Variants in CCPG1 observed in about 807,000 individuals in gnomAD.
The protein encoded by CCPG1 is cell cycle progression protein 1.
In CCPG1, 46 loss-of-function variants were observed where a neutral mutation model predicts 81.3. That is an observed-to-expected ratio of 0.57 (90% confidence interval 0.45 to 0.72). CCPG1 has a LOEUF of 0.72. Ranked by LOEUF, CCPG1 falls within the 30% of genes least tolerant of loss-of-function variation. CCPG1 has a pLI of 0.00. For synonymous variants in CCPG1, 330 were observed against 305.2 expected, an observed-to-expected ratio of 1.08 and a Z score of -0.85; for missense variants, 902 against 937.6, an observed-to-expected ratio of 0.96 and a Z score of 0.50.
chr15:55,355,518 A>T lies in CCPG1; in HGVS notation c.*702T>A, dbSNP rs1398235263. 1.8e-6 allele frequency: 2 copies of T among 1,104,490 alleles called. No individual in the cohort carries two copies. Among genetic ancestry groups the T allele is most frequent in the Non-Finnish European group, 2.6e-6 (2 of 770,138 alleles). 68.4% of individuals were successfully genotyped at this position (1,104,490 alleles called of 1,614,324 possible). ...GGTAAACACTGGGTAAGATTCATGG[A>T]ACTTAGAAAAAAGCTGTATGAACTG... On this transcript the variant is annotated 3_prime_UTR_variant, in exon 9 of 9. Transcript: ENST00000442196.
intron 8 of CCPG1, 85 bp downstream of exon 8, chr15:55,359,454 C>A (rs1320984731): frequency 4.0e-6 from 6 of 1,503,358 alleles, no homozygotes; most frequent in Non-Finnish European, 5.3e-6. Context: ...GGTAACCTTA[C>A]AAGAAACTCA....
chr15:55,393,344 G>C (rs1366672089), intron 1 of CCPG1, among the ~76,000 whole-genome samples: 1 of 152,114 alleles, frequency 6.6e-6, no homozygotes, highest in Non-Finnish European at 1.5e-5. Context: ...GGAAGCCGAG[G>C]CAGGAGGATC....
intron 1 of CCPG1, among the ~76,000 whole-genome samples, chr15:55,395,784 C>A (rs1432803320): frequency 6.6e-6 from 1 of 152,090 alleles, no homozygotes; most frequent in Non-Finnish European, 1.5e-5. Flanking sequence ...TGAATGAATG[C>A]TAAATACATA....
chr15:55,371,730 T>C (rs2056453535), intron 6 of CCPG1, 63 bp downstream of exon 6: 2 of 1,482,076 alleles, frequency 1.3e-6, no homozygotes, highest in Non-Finnish European at 9.2e-7. Flanking sequence ...CCAAGAGTCC[T>C]CACTCTTAAG....
chr15:55,396,023 G>A (rs926623990), intron 1 of CCPG1, among the ~76,000 whole-genome samples: 1 of 152,074 alleles, frequency 6.6e-6, no homozygotes, highest in South Asian at 2.1e-4. Context: ...GCATGCTGGC[G>A]TGCGCCTGTA....
chr15:55,362,718 C>A (rs1309359731), intron 7 of CCPG1, among the ~76,000 whole-genome samples: 1 of 152,186 alleles, frequency 6.6e-6, no homozygotes, highest in Non-Finnish European at 1.5e-5. Context: ...CTGATCCACA[C>A]TTAACAGCCA....
At position 55,392,552 on chromosome 15, in the gene CCPG1, G is replaced by A. The variant is rs545678212; in HGVS notation, c.-9-3119C>T. ...TTTTTAATTTTTGAGACAGGATTTC[G>A]CTTTGTCACCCAGGCTGGAGGGCAG... On this transcript the variant is annotated intron_variant, in intron 1 of 8. Coordinates refer to ENST00000442196, the MANE Select transcript of CCPG1 (RefSeq NM_001204450.2). Among the ~76,000 whole-genome samples, 31 of 150,440 alleles carry A rather than the reference G, an allele frequency of 2.1e-4. No homozygotes were observed. In the South Asian group the frequency reaches 5.2e-3, roughly 25 times the overall value.
intron 1 of CCPG1, among the ~76,000 whole-genome samples, chr15:55,390,027 G>A (rs997062536): frequency 1.3e-5 from 2 of 152,198 alleles, no homozygotes; most frequent in African/African-American, 4.8e-5. Flanking sequence ...GGGTTCAAGT[G>A]ATTCTCCTGC....
At chr15:55,377,175 G>T (rs1328969339) in intron 4 of CCPG1, 25 bp from the exon 5 acceptor site, 8 of 1,529,852 alleles carry the variant, frequency 5.2e-6, no homozygotes, top group Non-Finnish European at 7.2e-6. Flanking sequence ...TTTTAGAGAT[G>T]GTAAGTTCAA....
At chr15:55,361,319 G>C (rs552795835) in intron 7 of CCPG1, among the ~76,000 whole-genome samples, 6 of 151,688 alleles carry the variant, frequency 4.0e-5, no homozygotes, top group Non-Finnish European at 1.5e-5. Context: ...GAACCACCGC[G>C]CCTGGCTGGA....
intron 1 of CCPG1, chr15:55,407,908 AG>A (rs569414706): frequency 2.9e-4 from 45 of 152,944 alleles, no homozygotes; most frequent in African/African-American, 1.0e-3. Flanking sequence ...TGAAGGAAGA[AG>A]GGTGGCCCAG....
intron 5 of CCPG1, among the ~76,000 whole-genome samples, chr15:55,376,103 C>G (rs2056559428): frequency 6.6e-6 from 1 of 152,158 alleles, no homozygotes; most frequent in Admixed American, 6.5e-5. Context: ...AAAAAATTAT[C>G]TAAAATAGAT....
At chr15:55,387,782 G>A (rs1441108452) in intron 2 of CCPG1, among the ~76,000 whole-genome samples, 1 of 149,098 alleles carries the variant, frequency 6.7e-6, no homozygotes, top group African/African-American at 2.4e-5. Flanking sequence ...CGACCTCAGT[G>A]ATCTGCCCCG....
Position 55,356,325 on chromosome 15 carries a change from A to C in CCPG1, c.2319T>G (p.Pro773=). Residue 773 remains proline, a synonymous_variant, in exon 9 of 9, where the codon CCT becomes CCG. Transcript: ENST00000442196. ...KQEQKHLQPQ[P]YKREGKWHKY... The stretch of plus-strand genomic sequence containing the variant: ...TATGCCATTTACCTTCCCTTTTATA[A>C]GGCTGTGGCTGAAGGTGCTTCTGCT... 1 of 1,535,596 alleles carries C rather than the reference A, an allele frequency of 6.5e-7. No homozygotes were observed. Among genetic ancestry groups the C allele is most frequent in the Non-Finnish European group, 8.7e-7 (1 of 1,146,748 alleles).
At chr15:55,374,317 G>A (rs2141275064) in intron 5 of CCPG1, 1 of 801,814 alleles carries the variant, frequency 1.2e-6, no homozygotes, top group East Asian at 6.4e-5. Context: ...AGAAAAAAAA[G>A]AATTAAAAAT....
intron 8 of CCPG1, chr15:55,358,857 A>G (rs1455096560): frequency 3.1e-6 from 3 of 969,822 alleles, no homozygotes; most frequent in Admixed American, 1.2e-4. Flanking sequence ...TAGACACATT[A>G]TATTTATTCA....
intron 5 of CCPG1, 32 bp from the exon 6 acceptor site, chr15:55,372,076 C>A: frequency 1.3e-6 from 2 of 1,590,168 alleles, no homozygotes; most frequent in South Asian, 2.3e-5. Context: ...TTTAGCTATT[C>A]AAAATCTTGG....
intron 1 of CCPG1, among the ~76,000 whole-genome samples, chr15:55,395,415 T>A (rs1205025660): frequency 6.6e-6 from 1 of 152,178 alleles, no homozygotes; most frequent in Non-Finnish European, 1.5e-5. Flanking sequence ...CATTATGTAA[T>A]TCCTTTAAAA....
rs550415218 is a variant in CCPG1 at position 55,368,446 on chromosome 15, G to C, written c.707-3137C>G. Among the ~76,000 whole-genome samples the C allele has an allele frequency of 2.0e-4, 31 of 152,172 alleles. 1 individual carries two copies. Among genetic ancestry groups the C allele is most frequent in the African/African-American group, 7.5e-4 (31 of 41,514 alleles). Reference sequence around the variant, plus strand: ...ATTCAGTAAGTGTACCCTTTGAGCTGTAATTCATTCTGTGCTCTATAACTT... The same window carrying C: ...ATTCAGTAAGTGTACCCTTTGAGCTCTAATTCATTCTGTGCTCTATAACTT... On this transcript the variant is annotated intron_variant, in intron 6 of 8. Coordinates refer to ENST00000442196, the MANE Select transcript of CCPG1 (RefSeq NM_001204450.2).
Sources: allele counts gnomAD v4.1 joint callset (sites outside exome capture counted in the v4.1 genomes callset), GRCh38; gene constraint gnomAD v4.1.1; transcripts MANE v1.5; gene names NCBI Gene and HGNC (gene_info 2026-07-23, HGNC 2026-07-21).